The following DHRS4 variants were observed in gnomAD, a reference collection of about 807,000 sequenced individuals.
The protein encoded by DHRS4 is dehydrogenase/reductase 4, also known as dehydrogenase/reductase SDR family member 4.
Under a neutral mutation model 28.4 loss-of-function variants are expected in DHRS4, and 20 were observed. That is an observed-to-expected ratio of 0.71 (90% CI 0.50 to 1.02). DHRS4 has a LOEUF of 1.02. Among genes scored for constraint, DHRS4 ranks in the 50% least tolerant of loss-of-function variants. DHRS4 has a pLI of 0.00. For missense variants in DHRS4, 378 were observed against 367.2 expected (o/e 1.03, Z -0.24); for synonymous variants, 144 against 146.4 (o/e 0.98, Z 0.12).
At chr14:23,968,712 A>G in intron 7 of DHRS4, 45 bp from the exon 8 acceptor site, 1 of 1,603,058 alleles carries the variant, frequency 6.2e-7, no homozygotes, top group East Asian at 2.3e-5. Context: ...AGGGAGGCAG[A>G]ACTGTTTGAT....
At chr14:23,968,449 G>A (rs1159237531) in intron 7 of DHRS4, among the ~76,000 whole-genome samples, 2 of 149,930 alleles carry the variant, frequency 1.3e-5, no homozygotes, top group Admixed American at 6.6e-5. Flanking sequence ...TTTGAAGTAT[G>A]AAATAATTGC....
chr14:23,956,339 TG>T (rs2033150326), intron 2 of DHRS4, among the ~76,000 whole-genome samples: 1 of 152,234 alleles, frequency 6.6e-6, no homozygotes. Context: ...AAACATCCTG[TG>T]GCCCCCACCA....
rs539739911 is a variant in DHRS4, at chr14:23,954,016, C to T, written c.128+100C>T. On this transcript the variant is annotated intron_variant, in intron 1 of 7. Coordinates refer to ENST00000313250, the MANE Select transcript of DHRS4 (RefSeq NM_021004.4). ...GGTGCCCCTGTCCTCAGACCTTACA[C>T]GCTGCCAAAGTCTGGCCCTGGAAAA... 1,171 of 1,497,588 alleles carry T rather than the reference C, an allele frequency of 7.8e-4. 2 individuals carry two copies. The highest frequency in any genetic ancestry group is 4.1e-3 in the Middle Eastern group (17 of 4,156). 92.8% of individuals were successfully genotyped at this position (1,497,588 alleles called of 1,614,324 possible).
chr14:23,960,166 G>T (rs994969623), intron 3 of DHRS4, among the ~76,000 whole-genome samples, 163 bp downstream of exon 3: 7 of 151,914 alleles, frequency 4.6e-5, no homozygotes, highest in African/African-American at 1.5e-4. Context: ...GGCGGGTGGG[G>T]GTGGCTCTAT....
chr14:23,961,528 C>CCT (rs2033413187), intron 3 of DHRS4, among the ~76,000 whole-genome samples: 1 of 90,434 alleles, frequency 1.1e-5, no homozygotes, highest in Non-Finnish European at 1.9e-5. Flanking sequence ...TGTCTTTTTT[C>CCT]CTTTTTTTTT....
At chr14:23,957,859 C>G (rs1191187130) in intron 2 of DHRS4, among the ~76,000 whole-genome samples, 2 of 149,788 alleles carry the variant, frequency 1.3e-5, no homozygotes, top group African/African-American at 4.9e-5. Context: ...CCTCATTCAT[C>G]TTTTATGGTT....
rs766571056 is a variant in DHRS4 at position 23,960,031 on chromosome 14, G to C, written c.408+28G>C. ...GAGAGGGGATTAAAGCAGGGGGGCCGGGGGGGGCGCCTTGGAACACATTCA... is the reference window on the plus strand; with the variant it reads ...GAGAGGGGATTAAAGCAGGGGGGCCCGGGGGGGCGCCTTGGAACACATTCA... On this transcript the variant is annotated intron_variant, in intron 3 of 7. Transcript: ENST00000313250. 4 of 1,488,390 alleles carry C rather than the reference G, an allele frequency of 2.7e-6. No homozygotes were observed. The South Asian group carries it at 3.4e-5, about 13-fold the overall frequency. The allele number at this position is 1,488,390 out of a possible 1,614,324, so 92.2% of individuals were successfully genotyped here.
intron 3 of DHRS4, among the ~76,000 whole-genome samples, chr14:23,964,983 G>A (rs1259962772): frequency 1.3e-5 from 2 of 150,522 alleles, no homozygotes; most frequent in East Asian, 2.0e-4. Flanking sequence ...GAGTTTCAAT[G>A]GTTCATTTAA....
At chr14:23,959,845 T>C in intron 2 of DHRS4, 57 bp from the exon 3 acceptor site, 1 of 1,584,800 alleles carries the variant, frequency 6.3e-7, no homozygotes, top group Non-Finnish European at 8.7e-7. Context: ...TCAACATGGG[T>C]AAATGCACCT....
chr14:23,953,869 G>C lies in DHRS4; in HGVS notation c.81G>C (p.Arg27=). Residue 27 remains arginine (R), a synonymous_variant, in exon 1 of 8, where the codon CGG becomes CGC. Transcript: ENST00000313250. ...VRMASSGMTR[R]DPLANKVALV... is the part of the protein sequence containing the mutation. ...TGGCCAGCTCCGGGATGACCCGCCG[G>C]GACCCGCTCGCAAATAAGGTGGCCC... 5 of 1,612,378 alleles carry C rather than the reference G, an allele frequency of 3.1e-6. No homozygotes were observed. Among genetic ancestry groups the C allele is most frequent in the Non-Finnish European group, 4.2e-6 (5 of 1,179,260 alleles).
At position 23,969,004 on chromosome 14, in the gene DHRS4, G is replaced by C. The variant is rs573383621; in HGVS notation, c.*133G>C. Reference sequence around the variant, plus strand: ...TCAAATCAGTTCTGCCCTGTGAAAAGATCCAGCCTTCCCTGCCGTCAAGGT... The same window carrying C: ...TCAAATCAGTTCTGCCCTGTGAAAACATCCAGCCTTCCCTGCCGTCAAGGT... On this transcript the variant is annotated 3_prime_UTR_variant, in exon 8 of 8. Transcript: ENST00000313250. 113 of 1,326,998 alleles carry C rather than the reference G, an allele frequency of 8.5e-5. 1 individual carries two copies. In the East Asian group the frequency reaches 2.8e-3, roughly 33 times the overall value. The allele number at this position is 1,326,998 out of a possible 1,614,324, so 82.2% of individuals were successfully genotyped here.
In DHRS4 at chr14:23,959,889, C is replaced by A; in HGVS notation, c.307-13C>A. On this transcript the variant is annotated splice_polypyrimidine_tract_variant and intron_variant, in intron 2 of 7. Transcript: ENST00000313250. ...TACTGCAGCCCTGGTCCAGAACTTA[C>A]CCCTCTCTCTAGGCTGTGAAGCTTC... 2 of 1,612,396 alleles carry A rather than the reference C, an allele frequency of 1.2e-6. No homozygotes were observed. The highest frequency in any genetic ancestry group is 8.5e-7 in the Non-Finnish European group (1 of 1,179,242).
chr14:23,955,488 C>T (rs1187523786), intron 2 of DHRS4, among the ~76,000 whole-genome samples: 1 of 152,200 alleles, frequency 6.6e-6, no homozygotes, highest in Non-Finnish European at 1.5e-5. Context: ...AGGGTAAATA[C>T]AATCACAAAA....
At position 23,959,000 on chromosome 14, in the gene DHRS4, A is replaced by T. The variant is rs548249276; in HGVS notation, c.307-902A>T. Among the ~76,000 whole-genome samples the T allele has an allele frequency of 2.0e-4, 30 of 152,278 alleles. No individual in the cohort carries two copies. The South Asian group carries it at 2.1e-3, about 11-fold the overall frequency. ...AAAGGCCCCTCCAGGGTAACTTTCT[A>T]CAGCTCTATTTAAGCCAGTTTTTCC... On this transcript the variant is annotated intron_variant, in intron 2 of 7. Transcript: ENST00000313250.
chr14:23,954,037 G>A (rs2032969374), intron 1 of DHRS4, 121 bp downstream of exon 1: 1 of 1,453,582 alleles, frequency 6.9e-7, no homozygotes, highest in Non-Finnish European at 9.1e-7. Context: ...TCTGGCCCTG[G>A]AAAAAAGGTA....
intron 3 of DHRS4, among the ~76,000 whole-genome samples, chr14:23,963,454 A>G (rs1272209080): frequency 2.1e-5 from 3 of 144,060 alleles, no homozygotes; most frequent in Non-Finnish European, 4.5e-5. Context: ...CTTTTATGTT[A>G]CAGAGGTGGC....
chr14:23,966,434 T>C lies in DHRS4; in HGVS notation c.666+17T>C. 11 of 1,613,270 alleles carry C rather than the reference T, an allele frequency of 6.8e-6. No homozygotes were observed. Among genetic ancestry groups the C allele is most frequent in the Non-Finnish European group, 8.5e-6 (10 of 1,179,704 alleles). On this transcript the variant is annotated intron_variant, in intron 6 of 7. Transcript: ENST00000313250. ...AGCAGGATGGTGAGGAAGGGGAGCT[T>C]TGCATTTGACTGGGACCCCTTGAAA...
intron 1 of DHRS4, chr14:23,954,152 C>A (rs1401097257): frequency 3.3e-6 from 2 of 604,778 alleles, no homozygotes; most frequent in African/African-American, 1.9e-5. Flanking sequence ...CACCTCTGTG[C>A]AGCCCTATCG....
At chr14:23,967,430 C>G (rs2033673802) in intron 7 of DHRS4, 164 bp downstream of exon 7, 2 of 1,164,432 alleles carry the variant, frequency 1.7e-6, no homozygotes, top group Non-Finnish European at 2.5e-6. Flanking sequence ...GTGACCTGAG[C>G]AAGAAGTCAG....
Sources: gnomAD v4.1 joint callset for allele counts (sites outside exome capture counted in the v4.1 genomes callset) on GRCh38, gnomAD v4.1.1 for gene constraint, MANE v1.5 for transcripts, NCBI Gene and HGNC (gene_info 2026-07-23, HGNC 2026-07-21) for gene names.